CYP4A11: variants seen among roughly 807,000 people sequenced by gnomAD.
The protein encoded by CYP4A11 is cytochrome P450 family 4 subfamily A member 11.
Under a neutral mutation model 57.7 loss-of-function variants are expected in CYP4A11, and 52 were observed. The observed-to-expected ratio is 0.90, with a 90% CI of 0.72 to 1.14. CYP4A11 has a LOEUF of 1.14. Ranked by LOEUF, CYP4A11 falls within the 50% of genes most tolerant of loss-of-function variation. The pLI, the probability that CYP4A11 is intolerant of heterozygous loss-of-function variation, is 0.00. For synonymous variants in CYP4A11, 228 were observed against 247.1 expected (o/e 0.92, Z 0.72); for missense variants, 641 against 642.1 (o/e 1.00, Z 0.02).
intron 6 of CYP4A11, 22 bp downstream of exon 6, chr1:46,934,978 A>G (rs1681285918): frequency 1.2e-6 from 2 of 1,608,564 alleles, no homozygotes; most frequent in East Asian, 4.5e-5. Context: ...AAAGGCTGGG[A>G]GACAAGAGGA....
At chr1:46,938,764 T>G (rs1681575402) in intron 1 of CYP4A11, among the ~76,000 whole-genome samples, 1 of 152,252 alleles carries the variant, frequency 6.6e-6, no homozygotes, top group East Asian at 1.9e-4. Context: ...CTTATTCTCA[T>G]TTTCACTTAT....
At chr1:46,935,246 G>A (rs1415841850) in intron 5 of CYP4A11, 92 bp from the exon 6 acceptor site, 14 of 1,446,568 alleles carry the variant, frequency 9.7e-6, no homozygotes, top group South Asian at 1.3e-5. Flanking sequence ...CTCGGATAAT[G>A]GGGACAAGCA....
chr1:46,933,756 A>C (rs1035839318), intron 9 of CYP4A11, among the ~76,000 whole-genome samples, 190 bp downstream of exon 9: 1 of 152,166 alleles, frequency 6.6e-6, no homozygotes, highest in Non-Finnish European at 1.5e-5. Context: ...TTATTTCTTG[A>C]ACTTTTGGTG....
At chr1:46,941,145 A>G in intron 1 of CYP4A11, 94 bp downstream of exon 1, 6 of 1,510,284 alleles carry the variant, frequency 4.0e-6, no homozygotes, top group Non-Finnish European at 4.4e-6. Context: ...CACATTTGTT[A>G]CAAAACAAGG....
chr1:46,936,880 A>G, intron 3 of CYP4A11, 89 bp from the exon 4 acceptor site: 1 of 1,493,994 alleles, frequency 6.7e-7, no homozygotes, highest in South Asian at 1.4e-5. Flanking sequence ...ACTGGTGACA[A>G]TTTGGGAGGG....
chr1:46,934,725 C>G (rs1681269364), intron 6 of CYP4A11, among the ~76,000 whole-genome samples, 166 bp from the exon 7 acceptor site: 1 of 151,996 alleles, frequency 6.6e-6, no homozygotes, highest in South Asian at 2.1e-4. Flanking sequence ...AGGCAGGGCA[C>G]CCCTCCCGCC....
intron 11 of CYP4A11, chr1:46,931,418 A>G (rs1681021700): frequency 1.8e-6 from 1 of 569,648 alleles, no homozygotes; most frequent in Non-Finnish European, 2.2e-6. Flanking sequence ...TGTCTGGAGC[A>G]CAGGATATAT....
intron 1 of CYP4A11, among the ~76,000 whole-genome samples, chr1:46,939,556 C>T (rs1416348169): frequency 1.3e-5 from 2 of 152,166 alleles, no homozygotes; most frequent in Non-Finnish European, 2.9e-5. Context: ...AAACATAAAT[C>T]AGAGATGGTC....
chr1:46,937,367 T>G (rs752365680), intron 2 of CYP4A11, 21 bp from the exon 3 acceptor site: 1 of 1,613,446 alleles, frequency 6.2e-7, no homozygotes, highest in Non-Finnish European at 8.5e-7. Flanking sequence ...AGAAAGGGCT[T>G]TATAGGAAAC....
intron 3 of CYP4A11, 53 bp from the exon 4 acceptor site, chr1:46,936,844 T>C: frequency 8.5e-7 from 1 of 1,173,472 alleles, no homozygotes. Context: ...TGTGTGTGTG[T>C]CAGGGGCTGC....
intron 2 of CYP4A11, 28 bp downstream of exon 2, chr1:46,937,968 T>G: frequency 6.2e-7 from 1 of 1,613,246 alleles, no homozygotes; most frequent in Non-Finnish European, 8.5e-7. Flanking sequence ...GAAGACACAT[T>G]GCAGTTGGGA....
Position 46,934,313 on chromosome 1 carries a change from C to A in CYP4A11, c.951G>T (p.Thr317=). 1 of 1,608,878 alleles carries A rather than the reference C, an allele frequency of 6.2e-7. No individual in the cohort carries two copies. The highest frequency in any genetic ancestry group is 2.2e-5 in the East Asian group (1 of 44,624). The change falls in exon 8 of 12, where the codon ACG becomes ACT. Residue 317 remains threonine, a synonymous_variant. Coordinates refer to ENST00000310638, the MANE Select transcript of CYP4A11 (RefSeq NM_000778.4). The part of the protein sequence containing the change: ...SDKDLRAEVD[T]FMFEGHDTTA... ...TGGTGTCGTGGCCCTCAAACATGAA[C>A]GTGTCCACCTCAGCACGGAGGTCCT...
intron 2 of CYP4A11, 147 bp downstream of exon 2, chr1:46,937,849 G>C: frequency 2.4e-6 from 3 of 1,269,422 alleles, no homozygotes; most frequent in Non-Finnish European, 2.2e-6. Context: ...TTTGACTATA[G>C]CCTGGGCATG....
At position 46,932,801 on chromosome 1, in the gene CYP4A11, G is replaced by C; in HGVS notation, c.1324C>G (p.Gln442Glu). 1 of 1,614,186 alleles carries C rather than the reference G, an allele frequency of 6.2e-7. No homozygotes were observed. Among genetic ancestry groups the C allele is most frequent in the Non-Finnish European group, 8.5e-7 (1 of 1,180,040 alleles). Residue 442 changes from glutamine (Q) to glutamate (E), a missense_variant, in exon 11 of 12, where the codon CAA becomes GAA. Physicochemically the swap from Gln to Glu is conservative, Grantham distance 29 (BLOSUM62 2). Transcript: ENST00000310638. ...AAGGGCAGGAAAGCGTGGCTGTGTTGAGCAGAACCCGGTGCAAAACGGAAA... is the reference window on the plus strand; with the variant it reads ...AAGGGCAGGAAAGCGTGGCTGTGTTCAGCAGAACCCGGTGCAAAACGGAAA... ...DPFRFAPGSA[Q>E]HSHAFLPFSG...
chr1:46,940,634 T>C, intron 1 of CYP4A11: 1 of 983,574 alleles, frequency 1.0e-6, no homozygotes, highest in Non-Finnish European at 1.2e-6. Context: ...GGTTTTCAGA[T>C]CCTAAATCAC....
intron 6 of CYP4A11, among the ~76,000 whole-genome samples, 184 bp downstream of exon 6, chr1:46,934,816 T>C (rs1403269593): frequency 6.6e-6 from 1 of 152,182 alleles, no homozygotes; most frequent in Non-Finnish European, 1.5e-5. Flanking sequence ...GGGACATTGA[T>C]AAACCAAGGC....
At chr1:46,933,128 A>T in intron 9 of CYP4A11, 81 bp from the exon 10 acceptor site, 1 of 1,574,380 alleles carries the variant, frequency 6.4e-7, no homozygotes, top group South Asian at 1.2e-5. Flanking sequence ...GGCACAAAAG[A>T]AGGCCCAAAA....
chr1:46,940,236 G>C (rs1298715126), intron 1 of CYP4A11, among the ~76,000 whole-genome samples: 2 of 152,154 alleles, frequency 1.3e-5, no homozygotes, highest in Admixed American at 6.5e-5. Context: ...TAATTGTCTT[G>C]AGCCATGCAT....
In CYP4A11 at chr1:46,938,089, A is replaced by G; in HGVS notation, c.244T>C (p.Phe82Leu). The change falls in exon 2 of 12, where the codon TTC becomes CTC. Residue 82 changes from phenylalanine (F) to leucine (L), a missense_variant. Transcript: ENST00000310638. ...LQRIQKWVET[F>L]PSACPHWLWG... ...AGCCAATGAGGACAGGCACTTGGGA[A>G]TGTCTCCACCCATTTCTGAATCCGT... 3 of 1,614,212 alleles carry G rather than the reference A, an allele frequency of 1.9e-6. No individual in the cohort carries two copies. The highest frequency in any genetic ancestry group is 1.1e-5 in the South Asian group (1 of 91,080).
Sources: gnomAD v4.1 joint callset for allele counts (sites outside exome capture counted in the v4.1 genomes callset) on GRCh38, gnomAD v4.1.1 for gene constraint, MANE v1.5 for transcripts, NCBI Gene and HGNC (gene_info 2026-07-23, HGNC 2026-07-21) for gene names.